The following MARCHF8 variants were observed in gnomAD, a reference collection of about 807,000 sequenced individuals.
MARCHF8 encodes E3 ubiquitin-protein ligase MARCHF8.
Under a neutral mutation model 51.6 loss-of-function variants are expected in MARCHF8, and 40 were observed. The ratio of observed to expected loss-of-function variants is 0.77; its 90% CI spans 0.60 to 1.01. The LOEUF (loss-of-function observed/expected upper bound fraction) is 1.01. Ranked by LOEUF, MARCHF8 falls within the 50% of genes least tolerant of loss-of-function variation. The pLI is 0.00. For synonymous variants in MARCHF8, 263 were observed against 280.3 expected (o/e 0.94, Z 0.62); for missense variants, 685 against 708.6 (o/e 0.97, Z 0.38).
At chr10:45,521,412 C>T (rs936108340) in intron 2 of MARCHF8, among the ~76,000 whole-genome samples, 1 of 152,150 alleles carries the variant, frequency 6.6e-6, no homozygotes, top group African/African-American at 2.4e-5. Context: ...AATGTAGGGG[C>T]CTTTCCTTCT....
chr10:45,515,564 T>C (rs1022055888), intron 2 of MARCHF8, among the ~76,000 whole-genome samples: 2 of 152,250 alleles, frequency 1.3e-5, no homozygotes, highest in Non-Finnish European at 2.9e-5. Flanking sequence ...CCTATTATAC[T>C]ATTCCACAGT....
intron 3 of MARCHF8, among the ~76,000 whole-genome samples, chr10:45,487,802 T>C (rs928054880): frequency 6.6e-6 from 1 of 151,994 alleles, no homozygotes; most frequent in African/African-American, 2.4e-5. Context: ...AATGAAAACA[T>C]ATATGTAGTC....
intron 2 of MARCHF8, among the ~76,000 whole-genome samples, chr10:45,512,511 C>T (rs539745105): frequency 3.3e-4 from 48 of 145,080 alleles, no homozygotes; most frequent in Non-Finnish European, 6.1e-4. Flanking sequence ...CCGCCCAGTC[C>T]GGGAGGTGAG....
chr10:45,505,276 T>C (rs922962713), intron 2 of MARCHF8, among the ~76,000 whole-genome samples: 2 of 152,162 alleles, frequency 1.3e-5, no homozygotes, highest in African/African-American at 2.4e-5. Flanking sequence ...TTCAGTAGGA[T>C]TGGGTCCCCA....
intron 1 of MARCHF8, among the ~76,000 whole-genome samples, chr10:45,546,466 A>G (rs2044124136): frequency 6.6e-6 from 1 of 152,110 alleles, no homozygotes; most frequent in Middle Eastern, 3.4e-3. Context: ...CCCGGTCATG[A>G]GCTGAAATTT....
intron 3 of MARCHF8, among the ~76,000 whole-genome samples, chr10:45,473,846 T>C (rs972838769): frequency 6.6e-5 from 10 of 152,140 alleles, no homozygotes; most frequent in African/African-American, 2.4e-4. Flanking sequence ...AAGATGCCTT[T>C]CATTGTCCAT....
Position 45,478,713 on chromosome 10 carries a change from T to C in MARCHF8, c.153+10654A>G, listed in dbSNP as rs555723055. Among the ~76,000 whole-genome samples the C allele has an allele frequency of 2.0e-5, 3 of 151,092 alleles. No homozygotes were observed. In the East Asian group the frequency reaches 5.9e-4, roughly 30 times the overall value. On this transcript the variant is annotated intron_variant, in intron 3 of 7. Transcript: ENST00000453424. ...GGAGACATTACAAATAACACAGAAA[T>C]ACAAAAGATCATCAGAGACTATTAC...
chr10:45,536,328 C>G (rs2043969621), upstream of MARCHF8, among the ~76,000 whole-genome samples: 1 of 152,022 alleles, frequency 6.6e-6, no homozygotes. Flanking sequence ...ACAAATGGTG[C>G]TGGGACAACT....
Position 45,542,018 on chromosome 10 carries a change from TA to T in MARCHF8, c.-78-8730del, listed in dbSNP as rs549755920. Among the ~76,000 whole-genome samples, 171 of 152,252 alleles carry T rather than the reference TA, an allele frequency of 1.1e-3. 1 individual carries two copies. The highest frequency in any genetic ancestry group is 4.0e-3 in the African/African-American group (166 of 41,554). On this transcript the variant is annotated intron_variant, in intron 1 of 6. Transcript: ENST00000319836. ...AATTAAAATTTTTTAAAAACCACTCTACCCTTTCTTTACTTATTTAACACTA... is the reference window on the plus strand; with the variant it reads ...AATTAAAATTTTTTAAAAACCACTCTCCCTTTCTTTACTTATTTAACACTA...
intron 2 of MARCHF8, among the ~76,000 whole-genome samples, chr10:45,496,696 G>A (rs1390354350): frequency 6.6e-6 from 1 of 152,020 alleles, no homozygotes; most frequent in East Asian, 1.9e-4. Flanking sequence ...TAAAGAAATA[G>A]AGGTACATAG....
At chr10:45,539,567 C>T (rs562215348), upstream of MARCHF8, among the ~76,000 whole-genome samples, 30 of 152,072 alleles carry the variant, frequency 2.0e-4, no homozygotes, top group Admixed American at 4.6e-4. Context: ...ATTGATAGAC[C>T]GCTAGCAAGA....
At chr10:45,561,275 A>ATTT (rs369519527) in intron 1 of MARCHF8, among the ~76,000 whole-genome samples, 13 of 142,964 alleles carry the variant, frequency 9.1e-5, no homozygotes, top group African/African-American at 2.8e-4. Context: ...ATGAAACAGA[A>ATTT]TTTTTTTTTT....
chr10:45,465,172 T>C (rs1842928749), intron 3 of MARCHF8, among the ~76,000 whole-genome samples: 2 of 151,942 alleles, frequency 1.3e-5, no homozygotes, highest in African/African-American at 4.8e-5. Context: ...GGCCCCAGAC[T>C]CCCACGCCAG....
intron 3 of MARCHF8, among the ~76,000 whole-genome samples, chr10:45,467,087 C>T (rs1169293139): frequency 6.6e-6 from 1 of 152,120 alleles, no homozygotes; most frequent in East Asian, 1.9e-4. Flanking sequence ...GGAGATTCTG[C>T]CCTGCTCAGT....
intron 1 of MARCHF8, among the ~76,000 whole-genome samples, chr10:45,571,389 C>G (rs2044427180): frequency 6.6e-6 from 1 of 152,336 alleles, no homozygotes; most frequent in African/African-American, 2.4e-5. Flanking sequence ...CCCTGCCCAC[C>G]AAAGAACAAC....
chr10:45,581,297 G>A (rs965999550), intron 1 of MARCHF8, among the ~76,000 whole-genome samples: 1 of 152,132 alleles, frequency 6.6e-6, no homozygotes, highest in Non-Finnish European at 1.5e-5. Context: ...CCAACTGTCA[G>A]CAGAGCTAAG....
intron 2 of MARCHF8, among the ~76,000 whole-genome samples, chr10:45,496,472 T>G (rs1240192653): frequency 6.6e-6 from 1 of 152,136 alleles, no homozygotes; most frequent in Non-Finnish European, 1.5e-5. Context: ...ACTTCTACTA[T>G]GAAAGGTTGG....
At position 45,463,872 on chromosome 10, in the gene MARCHF8, T is replaced by C. The variant is rs1302767366; in HGVS notation, c.367A>G (p.Thr123Ala). The C allele has an allele frequency of 6.5e-7, 1 of 1,538,468 alleles. No individual in the cohort carries two copies. Among genetic ancestry groups the C allele is most frequent in the South Asian group, 1.2e-5 (1 of 84,062 alleles). ...GAATTTCTCTTTGACGCCTGTAATG[T>C]GTCCTTACAGATAACTGTCACAGTG... is the stretch of plus-strand genomic sequence containing the variant. ...GLTVTVICKD[T>A]LQASKRNSFG... is the part of the protein sequence containing the mutation. Residue 123 changes from threonine (T) to alanine (A), a missense_variant, in exon 5 of 8, where the codon ACA becomes GCA. Transcript: ENST00000453424.
chr10:45,497,130 C>G lies in MARCHF8; in HGVS notation c.103-7713G>C, dbSNP rs181443377. Among the ~76,000 whole-genome samples, 316 of 152,046 alleles carry G rather than the reference C, an allele frequency of 2.1e-3. 1 individual carries two copies. Among genetic ancestry groups the G allele is most frequent in the Middle Eastern group, 0.014 (4 of 294 alleles). On this transcript the variant is annotated intron_variant, in intron 2 of 7. Coordinates refer to ENST00000453424, the MANE Select transcript of MARCHF8 (RefSeq NM_001282866.2). ...TTACAGTAAAAGAAGCAAAAAGATA[C>G]ATAGCACAAAAACAACCACCATAAA...
Sources: allele counts gnomAD v4.1 joint callset (sites outside exome capture counted in the v4.1 genomes callset), GRCh38; gene constraint gnomAD v4.1.1; transcripts MANE v1.5; gene names NCBI Gene and HGNC (gene_info 2026-07-23, HGNC 2026-07-21).